Variants in TBCK observed in about 807,000 individuals in gnomAD.
TBCK encodes TBC1 domain containing kinase, also known as TBC domain-containing protein kinase-like protein.
In TBCK, 99 loss-of-function variants were observed where a neutral mutation model predicts 113.4. The ratio of observed to expected loss-of-function variants is 0.87; its 90% CI spans 0.74 to 1.03. The LOEUF (loss-of-function observed/expected upper bound fraction) is 1.03, where lower values mean the gene tolerates loss of function less well. TBCK is among the 50% of genes least tolerant of loss of function. TBCK has a pLI of 0.00. For synonymous variants in TBCK, 369 were observed against 370.8 expected, an observed-to-expected ratio of 1.00 and a Z score of 0.05; for missense variants, 1,045 against 1,061.3, an observed-to-expected ratio of 0.98 and a Z score of 0.21.
chr4:106,135,486 C>T (rs1159679072), intron 23 of TBCK, among the ~76,000 whole-genome samples: 1 of 97,538 alleles, frequency 1.0e-5, no homozygotes, highest in Non-Finnish European at 2.6e-5. Context: ...ATGTATGGAA[C>T]CAAAGGTGCA....
intron 24 of TBCK, among the ~76,000 whole-genome samples, chr4:106,113,856 A>C (rs1578933856): frequency 6.6e-6 from 1 of 152,078 alleles, no homozygotes; most frequent in African/African-American, 2.4e-5. Flanking sequence ...CATCTCTTAG[A>C]TACGCCTTTC....
intron 25 of TBCK, among the ~76,000 whole-genome samples, chr4:106,067,013 C>A (rs1553922491): frequency 6.6e-6 from 1 of 151,994 alleles, no homozygotes; most frequent in Non-Finnish European, 1.5e-5. Context: ...GTTTTCAATT[C>A]TTTTTGGTAA....
intron 25 of TBCK, among the ~76,000 whole-genome samples, chr4:106,054,916 T>C (rs1428143479): frequency 6.6e-6 from 1 of 151,484 alleles, no homozygotes; most frequent in Non-Finnish European, 1.5e-5. Context: ...GGCAAGATGA[T>C]TTTTTAAAAT....
intron 5 of TBCK, among the ~76,000 whole-genome samples, chr4:106,257,833 T>C (rs1762151374): frequency 6.6e-6 from 1 of 152,084 alleles, no homozygotes; most frequent in Admixed American, 6.5e-5. Flanking sequence ...ACAAAGCTGT[T>C]ATAAATATTA....
At chr4:106,137,328 C>G (rs1560705413) in intron 23 of TBCK, among the ~76,000 whole-genome samples, 1 of 140,370 alleles carries the variant, frequency 7.1e-6, no homozygotes, top group African/African-American at 2.5e-5. Flanking sequence ...CTTGTAAAAA[C>G]ATAAATTTGA....
Position 106,109,018 on chromosome 4 carries a change from T to TACACAC in TBCK, c.2411+7179_2411+7184dup, listed in dbSNP as rs112164356. Among the ~76,000 whole-genome samples the TACACAC allele has an allele frequency of 6.7e-3, 938 of 140,602 alleles. 5 individuals are homozygous for TACACAC. The highest frequency in any genetic ancestry group is 0.014 in the East Asian group (65 of 4,786). 92.2% of individuals were successfully genotyped at this position (140,602 alleles called of 152,430 possible). A position where few individuals can be genotyped will look rare whatever the true frequency, so the allele number is the denominator to read the frequency against. On this transcript the variant is annotated intron_variant, in intron 24 of 25. Transcript: ENST00000394708. ...ATCCCATTCACAACTGACACACACA[T>TACACAC]ACACACACACACACACACACACACA...
chr4:106,194,793 G>T, intron 20 of TBCK, 39 bp from the exon 21 acceptor site: 1 of 1,511,206 alleles, frequency 6.6e-7, no homozygotes, highest in South Asian at 1.2e-5. Flanking sequence ...TGGATAAAAA[G>T]GAAATAAAAA....
chr4:106,305,991 T>C (rs1055504243), intron 2 of TBCK, among the ~76,000 whole-genome samples: 3 of 152,192 alleles, frequency 2.0e-5, no homozygotes, highest in Admixed American at 2.0e-4. Flanking sequence ...ACTCTGGCTA[T>C]GGAGTAGCCT....
chr4:106,089,552 CCAAGTGT>C (rs1464480222), intron 25 of TBCK, among the ~76,000 whole-genome samples: 6 of 152,262 alleles, frequency 3.9e-5, no homozygotes, highest in African/African-American at 7.2e-5. Context: ...GTCTCAAGTG[CCAAGTGT>C]CAAGTCTCAC....
intron 20 of TBCK, among the ~76,000 whole-genome samples, chr4:106,206,694 G>C (rs933511301): frequency 6.6e-6 from 1 of 152,004 alleles, no homozygotes; most frequent in East Asian, 1.9e-4. Context: ...ATTTATTTAC[G>C]TAACAACATA....
At chr4:106,249,879 C>T (rs2150058776) in intron 7 of TBCK, among the ~76,000 whole-genome samples, 1 of 152,190 alleles carries the variant, frequency 6.6e-6, no homozygotes, top group South Asian at 2.1e-4. Flanking sequence ...AGTGTTCTAT[C>T]ACTGTTTTTC....
rs1001683712 is a variant in TBCK, at chr4:106,262,130, A to G, written c.349T>C (p.Leu117=). ...TCCAACAGGATATTATGAGGAGACA[A>G]TGCCCTGTGTACTATACCATGTTTG... ...MNKHGIVHRA[L]SPHNILLDRK... Residue 117 remains leucine, a synonymous_variant, in exon 4 of 26, where the codon TTG becomes CTG. Transcript: ENST00000394708. 6.5e-7 allele frequency: 1 copy of G among 1,544,832 alleles called. No homozygotes were observed. The highest frequency in any genetic ancestry group is 1.4e-5 in the African/African-American group (1 of 72,802).
intron 5 of TBCK, chr4:106,255,112 T>G (rs917473248): frequency 1.2e-5 from 3 of 240,098 alleles, no homozygotes; most frequent in African/African-American, 7.0e-5. Flanking sequence ...ATCTTTACAA[T>G]ACTAACCCTA....
intron 19 of TBCK, among the ~76,000 whole-genome samples, chr4:106,220,793 AG>A (rs1298499730): frequency 6.6e-6 from 1 of 152,188 alleles, no homozygotes; most frequent in Non-Finnish European, 1.5e-5. Context: ...TGAAGGGCCC[AG>A]GGAACTTCTG....
At chr4:106,197,403 G>GTATATATATATATATATATATA (rs1482373580) in intron 20 of TBCK, among the ~76,000 whole-genome samples, 1 of 110,922 alleles carries the variant, frequency 9.0e-6, no homozygotes, top group African/African-American at 2.9e-5. Context: ...GTGTGTGTGT[G>GTATATATATATATATATATATA]TGTGTGTGTA....
At chr4:106,121,614 A>G (rs961271690) in intron 23 of TBCK, among the ~76,000 whole-genome samples, 1 of 152,074 alleles carries the variant, frequency 6.6e-6, no homozygotes, top group Non-Finnish European at 1.5e-5. Flanking sequence ...AATTGACCAC[A>G]TACTTGGAAG....
chr4:106,102,943 G>A (rs1256684189), intron 24 of TBCK, among the ~76,000 whole-genome samples: 1 of 152,076 alleles, frequency 6.6e-6, no homozygotes, highest in Non-Finnish European at 1.5e-5. Context: ...GATTGTTAAA[G>A]TCACATAAAT....
At chr4:106,234,106 T>A (rs1362903380) in intron 15 of TBCK, among the ~76,000 whole-genome samples, 1 of 152,078 alleles carries the variant, frequency 6.6e-6, no homozygotes, top group Non-Finnish European at 1.5e-5. Flanking sequence ...TCGTGTTCTA[T>A]AGGACCAAGC....
At position 106,116,139 on chromosome 4, in the gene TBCK, TAAATG is replaced by T. The variant is rs370574994; in HGVS notation, c.2411+59_2411+63del. 1,555 of 1,484,268 alleles carry T rather than the reference TAAATG, an allele frequency of 1.0e-3. 17 individuals carry two copies. In the African/African-American group the frequency reaches 0.02, roughly 19 times the overall value. The allele number at this position is 1,484,268 out of a possible 1,614,324, so 91.9% of individuals were successfully genotyped here. The stretch of plus-strand genomic sequence containing the variant: ...TTTTTTTTTTTAACCACACAACACT[TAAATG>T]AAAGGATGCAATACAAATAAGCAGT... On this transcript the variant is annotated intron_variant, in intron 24 of 25. Coordinates refer to ENST00000394708, the MANE Select transcript of TBCK (RefSeq NM_001163435.3).
Sources: gnomAD v4.1 joint callset for allele counts (sites outside exome capture counted in the v4.1 genomes callset) on GRCh38, gnomAD v4.1.1 for gene constraint, MANE v1.5 for transcripts, NCBI Gene and HGNC (gene_info 2026-07-23, HGNC 2026-07-21) for gene names.